Variants in SVOPL observed in about 807,000 individuals in gnomAD.
SVOPL encodes SVOP like, also known as putative transporter SVOPL.
SVOPL carries 60 observed loss-of-function variants against 61.0 expected under a neutral mutation model. That is an observed-to-expected ratio of 0.98 (90% CI 0.80 to 1.22). The LOEUF (loss-of-function observed/expected upper bound fraction) is 1.22, where lower values mean the gene tolerates loss of function less well. Among genes scored for constraint, SVOPL ranks in the 50% most tolerant of loss-of-function variants. SVOPL has a pLI of 0.00. For missense variants in SVOPL, 662 were observed against 643.9 expected (o/e 1.03, Z -0.30); for synonymous variants, 279 against 250.0 (o/e 1.12, Z -1.09).
chr7:138,648,515 C>CT (rs1801239362), intron 8 of SVOPL, among the ~76,000 whole-genome samples: 1 of 128,342 alleles, frequency 7.8e-6, no homozygotes, highest in African/African-American at 3.0e-5. Flanking sequence ...CGGTGAAACA[C>CT]TGTCTCTACT....
chr7:138,695,127 A>C (rs1803037795), intron 1 of SVOPL, among the ~76,000 whole-genome samples: 1 of 152,216 alleles, frequency 6.6e-6, no homozygotes, highest in Non-Finnish European at 1.5e-5. Flanking sequence ...TCTTTCAACA[A>C]ATATTTCTTG....
At chr7:138,648,846 T>C (rs1467599616) in intron 8 of SVOPL, among the ~76,000 whole-genome samples, 166 bp downstream of exon 8, 1 of 151,886 alleles carries the variant, frequency 6.6e-6, no homozygotes, top group African/African-American at 2.4e-5. Flanking sequence ...CACCTGAACC[T>C]GGGAGGCAGA....
At chr7:138,654,522 C>T (rs1483072263) in intron 7 of SVOPL, among the ~76,000 whole-genome samples, 16 of 85,574 alleles carry the variant, frequency 1.9e-4, no homozygotes, top group South Asian at 3.9e-4. Flanking sequence ...TTTTTTGAGA[C>T]GGAGTCTCGC....
chr7:138,651,483 A>ATT (rs146677243), intron 7 of SVOPL, among the ~76,000 whole-genome samples: 2 of 151,726 alleles, frequency 1.3e-5, no homozygotes, highest in East Asian at 1.9e-4. Context: ...AAATATTGCA[A>ATT]TTTTTTTTTA....
At chr7:138,693,631 A>G (rs1220550182) in intron 1 of SVOPL, among the ~76,000 whole-genome samples, 6 of 149,880 alleles carry the variant, frequency 4.0e-5, no homozygotes. Context: ...AAAAAAGAAG[A>G]AAGAAGGGAG....
intron 4 of SVOPL, among the ~76,000 whole-genome samples, chr7:138,668,000 G>T (rs561648835): frequency 6.6e-6 from 1 of 152,154 alleles, no homozygotes; most frequent in African/African-American, 2.4e-5. Context: ...TAGGAGTCAC[G>T]CAGCTGGAGG....
intron 1 of SVOPL, among the ~76,000 whole-genome samples, chr7:138,700,629 G>A (rs186633460): frequency 3.3e-5 from 5 of 152,044 alleles, no homozygotes; most frequent in South Asian, 2.1e-4. Context: ...GTGAGCCACC[G>A]CACCCGGCTG....
intron 14 of SVOPL, among the ~76,000 whole-genome samples, chr7:138,604,840 T>G (rs1432588718): frequency 6.6e-6 from 1 of 151,868 alleles, no homozygotes; most frequent in African/African-American, 2.4e-5. Flanking sequence ...CAAATGGGGT[T>G]GATAAATTGA....
At chr7:138,658,114 C>T (rs976910603) in intron 6 of SVOPL, among the ~76,000 whole-genome samples, 2 of 152,108 alleles carry the variant, frequency 1.3e-5, no homozygotes, top group Admixed American at 6.6e-5. Flanking sequence ...GTTTTATCAG[C>T]GGGGTGTCTT....
At chr7:138,602,699 C>T (rs1282420345) in intron 14 of SVOPL, among the ~76,000 whole-genome samples, 2 of 115,668 alleles carry the variant, frequency 1.7e-5, no homozygotes, top group Non-Finnish European at 3.4e-5. Flanking sequence ...AAAGCCCCTG[C>T]CCTTGCATAG....
At chr7:138,595,478 C>A (rs1798241722) in intron 15 of SVOPL, among the ~76,000 whole-genome samples, 1 of 152,164 alleles carries the variant, frequency 6.6e-6, no homozygotes, top group Non-Finnish European at 1.5e-5. Flanking sequence ...TCCCAGTCAA[C>A]AGAAGAGGAA....
intron 14 of SVOPL, among the ~76,000 whole-genome samples, chr7:138,598,565 A>AG (rs1798376039): frequency 6.6e-6 from 1 of 152,184 alleles, no homozygotes; most frequent in African/African-American, 2.4e-5. Context: ...AACCATATCC[A>AG]GGGCCCTAAA....
intron 9 of SVOPL, among the ~76,000 whole-genome samples, chr7:138,631,989 C>CACACACACACACACACACAT (rs1206290337): frequency 6.6e-6 from 1 of 152,026 alleles, no homozygotes. Flanking sequence ...CACACATACA[C>CACACACACACACACACACAT]ACACCCCTAC....
intron 4 of SVOPL, chr7:138,664,297 A>C (rs1406441421): frequency 2.1e-6 from 2 of 932,816 alleles, no homozygotes; most frequent in African/African-American, 3.8e-5. Context: ...GCACGCGCCT[A>C]ACCCTCCAGC....
chr7:138,605,383 C>T (rs1233382529), intron 14 of SVOPL, among the ~76,000 whole-genome samples: 1 of 151,198 alleles, frequency 6.6e-6, no homozygotes, highest in Non-Finnish European at 1.5e-5. Flanking sequence ...GAATGAAGGC[C>T]GGGTGCAGTG....
rs1370403579 is a variant in SVOPL at position 138,594,551 on chromosome 7, C to A, written c.*59G>T. 5 of 1,536,932 alleles carry A rather than the reference C, an allele frequency of 3.3e-6. No individual in the cohort carries two copies. The Admixed American group carries it at 1.0e-4, about 32-fold the overall frequency. On this transcript the variant is annotated 3_prime_UTR_variant, in exon 16 of 16. Transcript: ENST00000674285. ...TAAAACCAAGTTTTAAAAAAATGCACCGCAGTTCTGAAGATAGAATTCATT... is the reference window on the plus strand; with the variant it reads ...TAAAACCAAGTTTTAAAAAAATGCAACGCAGTTCTGAAGATAGAATTCATT...
intron 1 of SVOPL, among the ~76,000 whole-genome samples, chr7:138,700,531 G>C (rs545111772): frequency 1.3e-5 from 2 of 151,846 alleles, no homozygotes; most frequent in Non-Finnish European, 2.9e-5. Context: ...AGTAGAGACG[G>C]GGTTTCACCA....
intron 14 of SVOPL, among the ~76,000 whole-genome samples, chr7:138,620,757 C>T (rs1799527265): frequency 1.3e-5 from 2 of 152,194 alleles, no homozygotes; most frequent in South Asian, 4.1e-4. Context: ...ACTGCCCAAG[C>T]TTCTCGTGTT....
chr7:138,660,089 G>C, intron 5 of SVOPL, 101 bp from the exon 6 acceptor site: 2 of 1,501,256 alleles, frequency 1.3e-6, no homozygotes, highest in Non-Finnish European at 1.8e-6. Context: ...CCTGATAGTT[G>C]CTTCTCTGAG....
Sources: allele counts gnomAD v4.1 joint callset (sites outside exome capture counted in the v4.1 genomes callset), GRCh38; gene constraint gnomAD v4.1.1; transcripts MANE v1.5; gene names NCBI Gene and HGNC (gene_info 2026-07-23, HGNC 2026-07-21).